ERBB4: variants seen among roughly 807,000 people sequenced by gnomAD.
ERBB4 encodes receptor tyrosine-protein kinase erbB-4.
In ERBB4, 42 loss-of-function variants were observed where a neutral mutation model predicts 158.0. The ratio of observed to expected loss-of-function variants is 0.27; its 90% CI spans 0.21 to 0.34. The LOEUF (loss-of-function observed/expected upper bound fraction) is 0.34. ERBB4 is among the 10% of genes least tolerant of loss of function. The pLI is 1.00. For synonymous variants in ERBB4, 583 were observed against 558.7 expected (o/e 1.04, Z -0.61); for missense variants, 1,333 against 1,624.1 (o/e 0.82, Z 3.08).
chr2:211,629,651 A>C (rs1330583956), intron 17 of ERBB4, among the ~76,000 whole-genome samples: 1 of 152,238 alleles, frequency 6.6e-6, no homozygotes, highest in East Asian at 1.9e-4. Context: ...AAACTACACT[A>C]CAAGGCTGCG....
intron 20 of ERBB4, among the ~76,000 whole-genome samples, chr2:211,526,834 A>G (rs1442105070): frequency 6.6e-6 from 1 of 152,090 alleles, no homozygotes; most frequent in Non-Finnish European, 1.5e-5. Context: ...TAATAGCAGA[A>G]CTAATCAAGC....
intron 1 of ERBB4, among the ~76,000 whole-genome samples, chr2:212,156,577 A>C (rs1327429144): frequency 6.6e-6 from 1 of 152,174 alleles, no homozygotes; most frequent in Non-Finnish European, 1.5e-5. Context: ...ACATAAGACA[A>C]GGAAAAATCA....
At chr2:211,692,165 A>G (rs1207014362) in intron 12 of ERBB4, among the ~76,000 whole-genome samples, 1 of 152,176 alleles carries the variant, frequency 6.6e-6, no homozygotes, top group Admixed American at 6.5e-5. Context: ...GAATGCTCTT[A>G]GCATATGCCT....
At chr2:211,774,077 T>G (rs1247243624) in intron 4 of ERBB4, among the ~76,000 whole-genome samples, 1 of 151,606 alleles carries the variant, frequency 6.6e-6, no homozygotes, top group African/African-American at 2.4e-5. Context: ...CAACCAATTT[T>G]TTTTTTTTTT....
At chr2:212,502,275 C>T (rs10178298) in intron 1 of ERBB4, among the ~76,000 whole-genome samples, 1 of 151,988 alleles carries the variant, frequency 6.6e-6, no homozygotes, top group African/African-American at 2.4e-5. Context: ...TATTAAGAAT[C>T]ATCATAGAAA....
chr2:212,172,723 C>A (rs2081555145), intron 1 of ERBB4, among the ~76,000 whole-genome samples: 1 of 151,810 alleles, frequency 6.6e-6, no homozygotes, highest in African/African-American at 2.4e-5. Flanking sequence ...TAAGTGGGAG[C>A]TAAATGATGA....
chr2:212,286,752 G>A (rs1267475910), intron 1 of ERBB4, among the ~76,000 whole-genome samples: 2 of 87,298 alleles, frequency 2.3e-5, no homozygotes, highest in Non-Finnish European at 4.9e-5. Flanking sequence ...TAGGCGGGTG[G>A]CACCATGAGG....
At chr2:211,851,236 C>T (rs11888019) in intron 3 of ERBB4, among the ~76,000 whole-genome samples, 7 of 151,404 alleles carry the variant, frequency 4.6e-5, no homozygotes, top group African/African-American at 7.3e-5. Flanking sequence ...TAACCCATTA[C>T]GTAATATGAA....
intron 1 of ERBB4, among the ~76,000 whole-genome samples, chr2:212,474,175 A>T (rs1182476924): frequency 1.3e-5 from 2 of 152,082 alleles, no homozygotes; most frequent in Non-Finnish European, 2.9e-5. Flanking sequence ...TAATGGACCA[A>T]TATGACTCAA....
chr2:212,209,699 A>G (rs1242909281), intron 1 of ERBB4, among the ~76,000 whole-genome samples: 1 of 152,150 alleles, frequency 6.6e-6, no homozygotes, highest in East Asian at 1.9e-4. Flanking sequence ...AGATTAAATG[A>G]GGCCATGAGG....
At chr2:212,340,702 G>A (rs919825872) in intron 1 of ERBB4, among the ~76,000 whole-genome samples, 1 of 152,182 alleles carries the variant, frequency 6.6e-6, no homozygotes, top group Admixed American at 6.5e-5. Context: ...GCAGCTGGCT[G>A]TAAATACAGA....
chr2:211,807,188 C>T (rs1481416968), intron 3 of ERBB4, among the ~76,000 whole-genome samples: 1 of 151,844 alleles, frequency 6.6e-6, no homozygotes, highest in African/African-American at 2.4e-5. Context: ...TACATGTGCA[C>T]AACGTGCAGG....
chr2:211,517,057 C>G (rs2066054070), intron 20 of ERBB4, among the ~76,000 whole-genome samples: 1 of 152,106 alleles, frequency 6.6e-6, no homozygotes, highest in Admixed American at 6.5e-5. Flanking sequence ...AGTAGGTAAA[C>G]AGCAAATTAC....
intron 20 of ERBB4, among the ~76,000 whole-genome samples, chr2:211,486,024 G>T (rs2065197123): frequency 6.6e-6 from 1 of 151,618 alleles, no homozygotes; most frequent in African/African-American, 2.4e-5. Context: ...ATGTTTTTCT[G>T]TATCTATATG....
At chr2:212,402,430 G>A (rs550933059) in intron 1 of ERBB4, among the ~76,000 whole-genome samples, 2 of 152,138 alleles carry the variant, frequency 1.3e-5, no homozygotes, top group South Asian at 2.1e-4. Flanking sequence ...CCTGACGGTG[G>A]TGGTGAACAC....
chr2:212,209,541 A>T (rs894941228), intron 1 of ERBB4, among the ~76,000 whole-genome samples: 1 of 152,090 alleles, frequency 6.6e-6, no homozygotes, highest in Non-Finnish European at 1.5e-5. Flanking sequence ...AGTATCTACT[A>T]GTAATGTGAC....
At chr2:212,374,021 CATATATATATAT>C (rs2090222205) in intron 1 of ERBB4, among the ~76,000 whole-genome samples, 1 of 77,552 alleles carries the variant, frequency 1.3e-5, no homozygotes, top group African/African-American at 3.8e-5. Flanking sequence ...CATATATATC[CATATATATATAT>C]CCATATATAT....
In ERBB4 at chr2:211,898,212, A is replaced by T. The variant is rs1213526166; in HGVS notation, c.421+49218T>A. 2.6e-5 allele frequency among the ~76,000 whole-genome samples: 4 copies of T among 152,306 alleles called. No individual in the cohort carries two copies. In the South Asian group the frequency reaches 6.2e-4, roughly 24 times the overall value. ...CCATTAGACTAAATATGCCTATTTT[A>T]AATGTGATACTGCCAATTCTCTCTT... On this transcript the variant is annotated intron_variant, in intron 3 of 27. Transcript: ENST00000342788.
intron 12 of ERBB4, among the ~76,000 whole-genome samples, chr2:211,690,045 T>C (rs1396590264): frequency 6.7e-6 from 1 of 148,480 alleles, no homozygotes; most frequent in Non-Finnish European, 1.5e-5. Flanking sequence ...ATATGATATA[T>C]AAATATATAT....
Sources: gnomAD v4.1 joint callset for allele counts (sites outside exome capture counted in the v4.1 genomes callset) on GRCh38, gnomAD v4.1.1 for gene constraint, MANE v1.5 for transcripts, NCBI Gene and HGNC (gene_info 2026-07-23, HGNC 2026-07-21) for gene names.